Variants in SHLD1 observed in about 807,000 individuals in gnomAD.
SHLD1 encodes the protein shieldin complex subunit 1, also known as RINN1-REV7-interacting novel NHEJ regulator 3.
SHLD1 carries 3 observed loss-of-function variants against 5.5 expected under a neutral mutation model. That is an observed-to-expected ratio of 0.54 (90% CI 0.25 to 1.40). SHLD1 has a LOEUF of 1.40. SHLD1 is among the 40% of genes most tolerant of loss of function. SHLD1 has a pLI of 0.15. For synonymous variants in SHLD1, 92 were observed against 94.3 expected, an observed-to-expected ratio of 0.98 and a Z score of 0.14; for missense variants, 210 against 244.4, an observed-to-expected ratio of 0.86 and a Z score of 0.94.
At chr20:5,787,517 A>G (rs2122293292) in intron 2 of SHLD1, among the ~76,000 whole-genome samples, 1 of 152,328 alleles carries the variant, frequency 6.6e-6, no homozygotes, top group African/African-American at 2.4e-5. Flanking sequence ...TTTTAAGGAT[A>G]AAGGCTTTTA....
chr20:5,839,477 T>TTGATAGAAAGA (rs2087828657), intron 2 of SHLD1, among the ~76,000 whole-genome samples: 1 of 105,564 alleles, frequency 9.5e-6, no homozygotes, highest in African/African-American at 3.7e-5. Context: ...AATGGATAAA[T>TTGATAGAAAGA]TAGATAGAAA....
chr20:5,793,145 CT>C (rs1372765782), intron 2 of SHLD1, among the ~76,000 whole-genome samples: 1 of 152,170 alleles, frequency 6.6e-6, no homozygotes, highest in African/African-American at 2.4e-5. Flanking sequence ...GTATGTCTGT[CT>C]TTATGACAGT....
intron 1 of SHLD1, among the ~76,000 whole-genome samples, chr20:5,755,013 G>A (rs190019396): frequency 1.2e-4 from 18 of 151,550 alleles, no homozygotes; most frequent in Middle Eastern, 3.4e-3. Flanking sequence ...CCGAGATCGT[G>A]CCATTGCACT....
chr20:5,779,201 A>G (rs370536013), intron 2 of SHLD1, among the ~76,000 whole-genome samples: 1 of 133,148 alleles, frequency 7.5e-6, no homozygotes, highest in Non-Finnish European at 1.6e-5. Context: ...GACTCTGTCT[A>G]AAAAAAAAAA....
At chr20:5,841,880 C>T (rs1449815731) in intron 2 of SHLD1, among the ~76,000 whole-genome samples, 2 of 152,168 alleles carry the variant, frequency 1.3e-5, no homozygotes, top group East Asian at 3.8e-4. Flanking sequence ...TAGTGCAATG[C>T]AGAGGCTATT....
chr20:5,755,878 A>G (rs1236621723), intron 1 of SHLD1, among the ~76,000 whole-genome samples: 1 of 152,112 alleles, frequency 6.6e-6, no homozygotes, highest in Admixed American at 6.6e-5. Context: ...TTTTGATAGC[A>G]TGCAAATGTC....
intron 1 of SHLD1, among the ~76,000 whole-genome samples, chr20:5,765,474 T>C (rs1445672716): frequency 6.6e-6 from 1 of 151,440 alleles, no homozygotes; most frequent in African/African-American, 2.4e-5. Context: ...GGTCTCAAAC[T>C]TCTGACCTTG....
At chr20:5,751,596 C>T (rs932248680) in intron 1 of SHLD1, among the ~76,000 whole-genome samples, 8 of 152,150 alleles carry the variant, frequency 5.3e-5, no homozygotes, top group Middle Eastern at 3.2e-3. Flanking sequence ...TGAGCCACCA[C>T]GCCCGGCTAT....
At chr20:5,778,561 C>T (rs1041377079) in intron 2 of SHLD1, among the ~76,000 whole-genome samples, 21 of 147,454 alleles carry the variant, frequency 1.4e-4, no homozygotes, top group African/African-American at 4.8e-4. Flanking sequence ...GAGCCATGAT[C>T]GTGCTACTGC....
chr20:5,853,837 G>T (rs1287002), intron 2 of SHLD1, among the ~76,000 whole-genome samples: 59,536 of 150,206 alleles, frequency 0.4, 14,300 homozygotes, highest in African/African-American at 0.67. Flanking sequence ...GAGTCTCCAC[G>T]TCTACTTTTT....
chr20:5,780,123 G>T (rs6038274), intron 2 of SHLD1, among the ~76,000 whole-genome samples: 85,249 of 151,256 alleles, frequency 0.56, 24,248 homozygotes, highest in African/African-American at 0.64. Context: ...GGATTACAGG[G>T]GTGCACCACC....
At chr20:5,843,960 T>A (rs2087896827) in intron 2 of SHLD1, among the ~76,000 whole-genome samples, 1 of 152,228 alleles carries the variant, frequency 6.6e-6, no homozygotes, top group African/African-American at 2.4e-5. Context: ...TTTTCACTTG[T>A]CTTCTGTCTA....
At chr20:5,762,503 G>A (rs1984522548) in intron 1 of SHLD1, among the ~76,000 whole-genome samples, 1 of 152,122 alleles carries the variant, frequency 6.6e-6, no homozygotes, top group Non-Finnish European at 1.5e-5. Flanking sequence ...AAATAAAAGT[G>A]AGCAAACCAG....
intron 2 of SHLD1, among the ~76,000 whole-genome samples, chr20:5,834,057 A>C (rs2087761752): frequency 6.6e-6 from 1 of 152,150 alleles, no homozygotes; most frequent in Non-Finnish European, 1.5e-5. Flanking sequence ...TAGGATCCAG[A>C]TATCTGCCTA....
chr20:5,822,871 C>T (rs897266313), intron 2 of SHLD1, among the ~76,000 whole-genome samples: 13 of 152,004 alleles, frequency 8.6e-5, no homozygotes, highest in African/African-American at 3.1e-4. Flanking sequence ...CCCTGTTTCT[C>T]TGTTCCTTTT....
At chr20:5,832,223 G>T (rs1003411354) in intron 2 of SHLD1, among the ~76,000 whole-genome samples, 3 of 152,230 alleles carry the variant, frequency 2.0e-5, no homozygotes, top group African/African-American at 4.8e-5. Flanking sequence ...TTACAAGCAT[G>T]AGCCTCTGCG....
chr20:5,845,730 T>G (rs2087925480), intron 2 of SHLD1, among the ~76,000 whole-genome samples: 1 of 152,166 alleles, frequency 6.6e-6, no homozygotes, highest in Admixed American at 6.5e-5. Flanking sequence ...TCACTCCTCA[T>G]GCCTCTTAAC....
intron 2 of SHLD1, among the ~76,000 whole-genome samples, chr20:5,792,105 C>T (rs2087149593): frequency 1.3e-5 from 2 of 152,116 alleles, no homozygotes; most frequent in African/African-American, 4.8e-5. Flanking sequence ...TAGATACTAA[C>T]TTCTTATCAG....
chr20:5,810,256 C>CG (rs2087440325), intron 2 of SHLD1, among the ~76,000 whole-genome samples: 1 of 147,048 alleles, frequency 6.8e-6, no homozygotes. Flanking sequence ...GACTCTGTCT[C>CG]GGAAAAAAAA....
Sources: gnomAD v4.1 joint callset for allele counts (sites outside exome capture counted in the v4.1 genomes callset) on GRCh38, gnomAD v4.1.1 for gene constraint, MANE v1.5 for transcripts, NCBI Gene and HGNC (gene_info 2026-07-23, HGNC 2026-07-21) for gene names.